The following DYNC2H1 variants were observed in gnomAD, a reference collection of about 807,000 sequenced individuals.
The protein encoded by DYNC2H1 is dynein cytoplasmic 2 heavy chain 1, also known as cytoplasmic dynein 2 heavy chain 1.
Under a neutral mutation model 570.0 loss-of-function variants are expected in DYNC2H1, and 410 were observed. The ratio of observed to expected loss-of-function variants is 0.72; its 90% CI spans 0.66 to 0.78. The LOEUF (loss-of-function observed/expected upper bound fraction) is 0.78. DYNC2H1 is among the 30% of genes least tolerant of loss of function. The pLI, the probability that DYNC2H1 is intolerant of heterozygous loss-of-function variation, is 0.00. For synonymous variants in DYNC2H1, 1,688 were observed against 1,677.6 expected (o/e 1.01, Z -0.15); for missense variants, 4,865 against 5,046.4 (o/e 0.96, Z 1.09).
At chr11:103,350,899 A>G (rs1467384341) in intron 82 of DYNC2H1, among the ~76,000 whole-genome samples, 3 of 152,156 alleles carry the variant, frequency 2.0e-5, no homozygotes, top group Non-Finnish European at 4.4e-5. Context: ...AAACACAGCC[A>G]TAATGGGAGT....
In DYNC2H1 at chr11:103,120,455, T is replaced by C; in HGVS notation, c.1008T>C (p.Ala336=). The change falls in exon 7 of 89, where the codon GCT becomes GCC. Residue 336 remains alanine, a synonymous_variant. Transcript: ENST00000375735. The part of the protein sequence containing the change: ...KLGKRLEEVL[A]IRTIHEKFLY... Reference sequence around the variant, plus strand: ...TTAATACTTCATTTTAGGTCTTGGCTATTAGAACAATTCATGAGAAGTTTC... The same window carrying C: ...TTAATACTTCATTTTAGGTCTTGGCCATTAGAACAATTCATGAGAAGTTTC... The C allele has an allele frequency of 6.2e-7, 1 of 1,609,632 alleles. No homozygotes were observed.
chr11:103,355,923 T>A (rs1387923334), intron 82 of DYNC2H1, among the ~76,000 whole-genome samples: 1 of 152,142 alleles, frequency 6.6e-6, no homozygotes, highest in Non-Finnish European at 1.5e-5. Context: ...TTGCCCAGGT[T>A]AGTCTCAAAC....
intron 67 of DYNC2H1, 120 bp downstream of exon 67, chr11:103,255,654 G>A (rs1865027593): frequency 2.0e-6 from 2 of 1,024,322 alleles, no homozygotes; most frequent in African/African-American, 1.7e-5. Flanking sequence ...ACATATTAGT[G>A]TATATCTTAC....
intron 63 of DYNC2H1, among the ~76,000 whole-genome samples, chr11:103,238,055 G>A (rs1325749727): frequency 6.6e-6 from 1 of 151,990 alleles, no homozygotes; most frequent in Non-Finnish European, 1.5e-5. Flanking sequence ...TGCTGTTATG[G>A]TCGACACTCC....
intron 12 of DYNC2H1, among the ~76,000 whole-genome samples, chr11:103,126,033 A>C (rs906141489): frequency 6.6e-6 from 1 of 152,144 alleles, no homozygotes; most frequent in South Asian, 2.1e-4. Context: ...AATACTGCTC[A>C]TATTGTGTCT....
chr11:103,238,713 A>G (rs970089492), intron 63 of DYNC2H1, among the ~76,000 whole-genome samples: 3 of 152,204 alleles, frequency 2.0e-5, no homozygotes, highest in African/African-American at 7.2e-5. Context: ...AAGATGCTTA[A>G]AATTCTCATA....
intron 34 of DYNC2H1, among the ~76,000 whole-genome samples, chr11:103,171,427 T>C (rs959656262): frequency 4.6e-5 from 7 of 152,078 alleles, no homozygotes; most frequent in African/African-American, 1.2e-4. Context: ...AGCTAATTTT[T>C]GTATTTTTAG....
chr11:103,192,781 A>G (rs1862367998), intron 47 of DYNC2H1, among the ~76,000 whole-genome samples: 1 of 152,198 alleles, frequency 6.6e-6, no homozygotes, highest in Admixed American at 6.5e-5. Flanking sequence ...ACCAATCTGC[A>G]TTTTGAAAAC....
At chr11:103,448,247 T>G (rs1316395929) in intron 85 of DYNC2H1, among the ~76,000 whole-genome samples, 1 of 152,152 alleles carries the variant, frequency 6.6e-6, no homozygotes, top group African/African-American at 2.4e-5. Context: ...TTTACTGGAA[T>G]GAATGTGGGT....
At chr11:103,171,109 G>T (rs1397155462) in intron 34 of DYNC2H1, 41 bp downstream of exon 34, 1 of 1,486,918 alleles carries the variant, frequency 6.7e-7, no homozygotes, top group Non-Finnish European at 9.1e-7. Context: ...AAAATATTTT[G>T]TAAGACTTGA....
chr11:103,175,318 T>A (rs1430144597), intron 36 of DYNC2H1, among the ~76,000 whole-genome samples: 2 of 152,192 alleles, frequency 1.3e-5, no homozygotes, highest in Non-Finnish European at 2.9e-5. Context: ...GCTGTATTAT[T>A]AGGTTGGCGT....
chr11:103,441,201 C>T (rs928597741), intron 85 of DYNC2H1, among the ~76,000 whole-genome samples: 2 of 151,726 alleles, frequency 1.3e-5, no homozygotes, highest in African/African-American at 2.4e-5. Context: ...AGCTCGCTCC[C>T]TCTCATGGCC....
intron 84 of DYNC2H1, among the ~76,000 whole-genome samples, chr11:103,429,208 C>T (rs189959005): frequency 1.4e-4 from 21 of 151,978 alleles, no homozygotes; most frequent in Admixed American, 8.5e-4. Context: ...CTGCAGTGAG[C>T]CATGATCATG....
intron 82 of DYNC2H1, among the ~76,000 whole-genome samples, chr11:103,355,042 C>T (rs1216337459): frequency 1.3e-5 from 2 of 152,066 alleles, no homozygotes; most frequent in South Asian, 2.1e-4. Context: ...TTTTCTTCTC[C>T]ATGTTTTAAA....
intron 82 of DYNC2H1, among the ~76,000 whole-genome samples, chr11:103,342,488 A>C: frequency 1.4e-5 from 2 of 147,144 alleles, no homozygotes; most frequent in Non-Finnish European, 3.0e-5. Flanking sequence ...GCTGCAGCTC[A>C]CTCTTTGAGT....
rs890710290 is a variant in DYNC2H1 at position 103,275,051 on chromosome 11, G to T, written c.10696-5297G>T. Among the ~76,000 whole-genome samples the T allele has an allele frequency of 6.6e-6, 1 of 151,862 alleles. No individual in the cohort carries two copies. The highest frequency in any genetic ancestry group is 1.5e-5 in the Non-Finnish European group (1 of 67,978). Reference sequence around the variant, plus strand: ...GGAGGTTGCAGTGATCTGAGATTGCGCCACTGCACTCCAGCCTGGGCGACA... The same window carrying T: ...GGAGGTTGCAGTGATCTGAGATTGCTCCACTGCACTCCAGCCTGGGCGACA... On this transcript the variant is annotated intron_variant, in intron 70 of 88. Transcript: ENST00000375735. The surrounding 1 kb of genome is among the most constrained non-coding windows in gnomAD (Gnocchi z 4.8).
rs60301649 is a variant in DYNC2H1, at chr11:103,464,296, T to A, written c.12649-4293T>A. Among the ~76,000 whole-genome samples the A allele has an allele frequency of 2.3e-3, 349 of 152,200 alleles. 14 individuals are homozygous for A. The East Asian group carries it at 0.062, about 27-fold the overall frequency. On this transcript the variant is annotated intron_variant, in intron 87 of 88. Coordinates refer to ENST00000375735, the MANE Select transcript of DYNC2H1 (RefSeq NM_001377.3). ...AAAATGTAGTCTTTAAATGAAAAAATTGATAGACAAACTATACATTAGATA... is the reference window on the plus strand; with the variant it reads ...AAAATGTAGTCTTTAAATGAAAAAAATGATAGACAAACTATACATTAGATA...
At chr11:103,150,363 A>T (rs1003378242) in intron 20 of DYNC2H1, among the ~76,000 whole-genome samples, 1 of 152,034 alleles carries the variant, frequency 6.6e-6, no homozygotes, top group African/African-American at 2.4e-5. Context: ...GAGATGATGG[A>T]AGCTTGTATC....
rs1865421974 is a variant in DYNC2H1 at position 103,264,183 on chromosome 11, T to C, written c.10695+4206T>C. On this transcript the variant is annotated intron_variant, in intron 70 of 88. Coordinates refer to ENST00000375735, the MANE Select transcript of DYNC2H1 (RefSeq NM_001377.3). The surrounding 1 kb of genome is among the most constrained non-coding windows in gnomAD (Gnocchi z 4.8). ...GAAGTCGAATCCCTGAATAGACCAA[T>C]AACAAGTTCTGAAATTGAGGCAGTA... 6.6e-6 allele frequency among the ~76,000 whole-genome samples: 1 copy of C among 152,076 alleles called. No homozygotes were observed. Among genetic ancestry groups the C allele is most frequent in the African/African-American group, 2.4e-5 (1 of 41,416 alleles).
Sources: gnomAD v4.1 joint callset for allele counts (sites outside exome capture counted in the v4.1 genomes callset) on GRCh38, gnomAD v4.1.1 for gene constraint, Gnocchi (gnomAD v3.1) non-coding constraint, MANE v1.5 for transcripts, NCBI Gene and HGNC (gene_info 2026-07-23, HGNC 2026-07-21) for gene names.